The following EBF2 variants were observed in gnomAD, a reference collection of about 807,000 sequenced individuals.
EBF2 encodes EBF transcription factor 2, also known as transcription factor COE2.
EBF2 carries 21 observed loss-of-function variants against 72.8 expected under a neutral mutation model. The ratio of observed to expected loss-of-function variants is 0.29; its 90% confidence interval spans 0.20 to 0.42. The LOEUF is 0.42. Ranked by LOEUF, EBF2 falls within the 10% of genes least tolerant of loss-of-function variation. The pLI is 1.00. For synonymous variants in EBF2, 299 were observed against 274.2 expected (o/e 1.09, Z -0.89); for missense variants, 637 against 731.2 (o/e 0.87, Z 1.49).
chr8:25,888,275 G>T (rs565236402), intron 8 of EBF2, among the ~76,000 whole-genome samples: 2 of 152,150 alleles, frequency 1.3e-5, no homozygotes, highest in Admixed American at 1.3e-4. Flanking sequence ...AGAATTCTGC[G>T]GATGGGCTGC....
At chr8:25,971,534 T>C (rs1804189972) in intron 6 of EBF2, among the ~76,000 whole-genome samples, 1 of 152,084 alleles carries the variant, frequency 6.6e-6, no homozygotes, top group African/African-American at 2.4e-5. Context: ...GCTAAATTAT[T>C]GGTAGGAGGG....
chr8:25,954,928 C>A (rs1256991703), intron 6 of EBF2, among the ~76,000 whole-genome samples: 1 of 152,264 alleles, frequency 6.6e-6, no homozygotes, highest in African/African-American at 2.4e-5. Context: ...TTGTTCACCA[C>A]AGTGACTGCG....
At chr8:25,937,533 G>C (rs912034838) in intron 6 of EBF2, among the ~76,000 whole-genome samples, 1 of 152,058 alleles carries the variant, frequency 6.6e-6, no homozygotes, top group African/African-American at 2.4e-5. Flanking sequence ...CATCAATCTG[G>C]TATCAATTTC....
rs553384143 is a variant in EBF2 at position 25,988,720 on chromosome 8, G to A, written c.551+44365C>T. 8.5e-5 allele frequency among the ~76,000 whole-genome samples: 13 copies of A among 152,190 alleles called. No homozygotes were observed. In the South Asian group the frequency reaches 1.5e-3, roughly 17 times the overall value. ...TTTTGCATAATATTTTCTATTTTAC[G>A]AAATGCTTTATCAGATACCATCCTC... On this transcript the variant is annotated intron_variant, in intron 6 of 15. Transcript: ENST00000520164.
chr8:25,851,775 C>T (rs948529153), intron 14 of EBF2, among the ~76,000 whole-genome samples: 13 of 152,150 alleles, frequency 8.5e-5, no homozygotes, highest in Admixed American at 2.6e-4. Context: ...TTTCAATGGA[C>T]CACCTGTCCT....
chr8:25,845,125 AT>A (rs531197690), intron 15 of EBF2, among the ~76,000 whole-genome samples: 20 of 149,444 alleles, frequency 1.3e-4, no homozygotes, highest in Admixed American at 4.7e-4. Context: ...TGGTGAGTGC[AT>A]TTTTTTTTTA....
intron 14 of EBF2, among the ~76,000 whole-genome samples, chr8:25,854,409 G>A (rs1048671295): frequency 5.9e-5 from 9 of 152,142 alleles, no homozygotes; most frequent in African/African-American, 2.2e-4. Context: ...TCATATCTGT[G>A]ACTTTGGTAA....
At chr8:25,912,246 T>C (rs1271339390) in intron 6 of EBF2, among the ~76,000 whole-genome samples, 3 of 152,078 alleles carry the variant, frequency 2.0e-5, no homozygotes, top group Non-Finnish European at 4.4e-5. Flanking sequence ...AGCTTGTAAG[T>C]GGTGAACACA....
intron 10 of EBF2, among the ~76,000 whole-genome samples, chr8:25,879,634 C>T (rs1802576037): frequency 6.6e-6 from 1 of 152,152 alleles, no homozygotes; most frequent in Admixed American, 6.5e-5. Context: ...TCAGGGACAG[C>T]CCACTCTCCT....
intron 6 of EBF2, among the ~76,000 whole-genome samples, chr8:25,982,734 G>A (rs1194818261): frequency 6.6e-6 from 1 of 152,102 alleles, no homozygotes; most frequent in African/African-American, 2.4e-5. Flanking sequence ...ACCTCTGAGA[G>A]GTGCTGGGGG....
In EBF2 at chr8:25,999,678, G is replaced by A. The variant is rs577191409; in HGVS notation, c.551+33407C>T. On this transcript the variant is annotated intron_variant, in intron 6 of 15. Coordinates refer to ENST00000520164, the MANE Select transcript of EBF2 (RefSeq NM_022659.4). ...TCTTTGCCTCCCATCTTCCCAAACC[G>A]TCCCCCATATCCACACACGCCCTCT... 2.7e-4 allele frequency among the ~76,000 whole-genome samples: 37 copies of A among 139,498 alleles called. No homozygotes were observed. In the East Asian group the frequency reaches 5.6e-3, roughly 21 times the overall value. The allele number at this position is 139,498 out of a possible 152,430, so 91.5% of individuals were successfully genotyped here. A position where few individuals can be genotyped will look rare whatever the true frequency, so the allele number is the denominator to read the frequency against.
rs1805584406 is a variant in EBF2, at chr8:26,040,679, G to T, written c.353-8C>A. 31 of 1,554,484 alleles carry T rather than the reference G, an allele frequency of 2.0e-5. No individual in the cohort carries two copies. The highest frequency in any genetic ancestry group is 2.5e-5 in the Non-Finnish European group (29 of 1,148,476). ...CCTGTTCCGTGCGGACACCTGCGGG[G>T]ACCGGAGGGGCACGAGTCAAGGGCC... On this transcript the variant is annotated splice_region_variant and splice_polypyrimidine_tract_variant and intron_variant, in intron 3 of 15. Coordinates refer to ENST00000520164, the MANE Select transcript of EBF2 (RefSeq NM_022659.4).
intron 6 of EBF2, among the ~76,000 whole-genome samples, chr8:26,001,964 T>C (rs912287788): frequency 2.6e-5 from 4 of 152,138 alleles, no homozygotes; most frequent in Admixed American, 1.3e-4. Context: ...GGATGACAGA[T>C]AAAAAGGAAC....
intron 6 of EBF2, among the ~76,000 whole-genome samples, chr8:25,909,233 T>G (rs994956779): frequency 3.3e-5 from 5 of 152,184 alleles, no homozygotes; most frequent in African/African-American, 1.2e-4. Flanking sequence ...ATATTCTCTC[T>G]TAAATGGCCT....
chr8:26,003,122 A>G (rs1585222909), intron 6 of EBF2, among the ~76,000 whole-genome samples: 1 of 152,312 alleles, frequency 6.6e-6, no homozygotes, highest in Middle Eastern at 3.4e-3. Context: ...CCAAGAGGCT[A>G]TCCAGAGTTG....
At position 25,866,320 on chromosome 8, in the gene EBF2, G is replaced by A. The variant is rs201786136; in HGVS notation, c.1010-3523C>T. Among the ~76,000 whole-genome samples, 12 of 151,036 alleles carry A rather than the reference G, an allele frequency of 7.9e-5. No homozygotes were observed. The East Asian group carries it at 2.3e-3, about 29-fold the overall frequency. On this transcript the variant is annotated intron_variant, in intron 10 of 15. Transcript: ENST00000520164. The stretch of plus-strand genomic sequence containing the variant: ...ACCAAATATGGTGTTGGCTATTTGA[G>A]ATAGATATTATTTATCATGGTTCAA...
At chr8:25,919,404 G>C (rs1372582959) in intron 6 of EBF2, among the ~76,000 whole-genome samples, 1 of 152,144 alleles carries the variant, frequency 6.6e-6, no homozygotes, top group Non-Finnish European at 1.5e-5. Flanking sequence ...TATAATTTTA[G>C]AGCAAATAGA....
At chr8:25,979,352 C>G (rs1404227905) in intron 6 of EBF2, among the ~76,000 whole-genome samples, 5 of 152,226 alleles carry the variant, frequency 3.3e-5, no homozygotes, top group African/African-American at 1.2e-4. Context: ...GCTGCAAACC[C>G]TCGCCCTGCC....
chr8:25,853,088 A>G (rs1402179787), intron 14 of EBF2, among the ~76,000 whole-genome samples: 1 of 152,200 alleles, frequency 6.6e-6, no homozygotes, highest in Non-Finnish European at 1.5e-5. Flanking sequence ...AACCATTTGA[A>G]GACTAAGTTT....
Sources: gnomAD v4.1 joint callset for allele counts (sites outside exome capture counted in the v4.1 genomes callset) on GRCh38, gnomAD v4.1.1 for gene constraint, MANE v1.5 for transcripts, NCBI Gene and HGNC (gene_info 2026-07-23, HGNC 2026-07-21) for gene names.